Variants in IL4R observed in about 807,000 individuals in gnomAD.
IL4R encodes interleukin 4 receptor, also known as interleukin-4 receptor subunit alpha.
Under a neutral mutation model 41.5 loss-of-function variants are expected in IL4R, and 17 were observed. The ratio of observed to expected loss-of-function variants is 0.41; its 90% CI spans 0.28 to 0.61. IL4R has a LOEUF of 0.61. IL4R is among the 20% of genes least tolerant of loss of function. IL4R has a pLI of 0.31. For missense variants in IL4R, 974 were observed against 1,043.1 expected (o/e 0.93, Z 0.91); for synonymous variants, 402 against 422.9 (o/e 0.95, Z 0.61).
At chr16:27,317,170 T>G (rs1043579666) in intron 1 of IL4R, among the ~76,000 whole-genome samples, 9 of 152,138 alleles carry the variant, frequency 5.9e-5, no homozygotes, top group Non-Finnish European at 1.3e-4. Context: ...TCCTAAAGTG[T>G]TGGATTTATA....
intron 6 of IL4R, among the ~76,000 whole-genome samples, chr16:27,347,393 G>A (rs750809835): frequency 9.2e-5 from 14 of 152,180 alleles, no homozygotes; most frequent in African/African-American, 2.4e-4. Flanking sequence ...GTTTCACTGC[G>A]TTGGCCAGGC....
Position 27,345,244 on chromosome 16 carries a change from C to G in IL4R, c.361+224C>G. 1 of 683,258 alleles carries G rather than the reference C, an allele frequency of 1.5e-6. No homozygotes were observed. The highest frequency in any genetic ancestry group is 2.7e-6 in the Non-Finnish European group (1 of 374,742). 42.3% of individuals were successfully genotyped at this position (683,258 alleles called of 1,614,324 possible). ...GACCACCAAGCCCCCTTCAGCCCAGCTGTTTCCACCCCTGAACTTAAGTGC... is the reference window on the plus strand; with the variant it reads ...GACCACCAAGCCCCCTTCAGCCCAGGTGTTTCCACCCCTGAACTTAAGTGC... On this transcript the variant is annotated intron_variant, in intron 5 of 10. Coordinates refer to ENST00000395762, the MANE Select transcript of IL4R (RefSeq NM_000418.4). The surrounding 1 kb of genome is among the most constrained non-coding windows in gnomAD (Gnocchi z 4.5).
At chr16:27,344,496 A>G (rs1404478902) in intron 4 of IL4R, among the ~76,000 whole-genome samples, 1 of 152,122 alleles carries the variant, frequency 6.6e-6, no homozygotes, top group Non-Finnish European at 1.5e-5. Flanking sequence ...AAGGTGGAAC[A>G]TTGGAATTAT....
chr16:27,363,207 A>G lies in IL4R; in HGVS notation c.1855A>G (p.Lys619Glu), dbSNP rs1440009114. 6.2e-7 allele frequency: 1 copy of G among 1,609,516 alleles called. No individual in the cohort carries two copies. The highest frequency in any genetic ancestry group is 1.1e-5 in the South Asian group (1 of 90,646). The change falls in exon 11 of 11, where the codon AAA becomes GAA. Residue 619 changes from lysine to glutamate, a missense_variant. Coordinates refer to ENST00000395762, the MANE Select transcript of IL4R (RefSeq NM_000418.4). ...TGCCAGCAGTGCTGTGTCCCCAGAG[A>G]AATGTGGGTTTGGGGCTAGCAGTGG... is the stretch of plus-strand genomic sequence containing the variant. ...LLASSAVSPEKCGFGASSGEE... is the reference protein window; with the variant it reads ...LLASSAVSPEECGFGASSGEE...
At chr16:27,352,268 A>C (rs1271034636) in intron 6 of IL4R, among the ~76,000 whole-genome samples, 1 of 152,234 alleles carries the variant, frequency 6.6e-6, no homozygotes, top group Non-Finnish European at 1.5e-5. Context: ...CTTGTTTTAC[A>C]GATGAGATTG....
intron 4 of IL4R, 120 bp from the exon 5 acceptor site, chr16:27,344,749 A>T: frequency 9.4e-7 from 1 of 1,063,538 alleles, no homozygotes; most frequent in Non-Finnish European, 1.4e-6. Context: ...ATCTGTCCTC[A>T]CATCCGTGAT....
chr16:27,313,829 CCGGGCCGGG>C, upstream of IL4R: 1 of 812,858 alleles, frequency 1.2e-6, no homozygotes, highest in Middle Eastern at 6.2e-4. Context: ...TGGCCGGGAC[CCGGGCCGGG>C]CGCGCCGGGC....
chr16:27,345,231 C>T lies in IL4R; in HGVS notation c.361+211C>T. ...GCTGGTCGCAGTAGACCACCAAGCC[C>T]CCTTCAGCCCAGCTGTTTCCACCCC... is the stretch of plus-strand genomic sequence containing the variant. On this transcript the variant is annotated intron_variant, in intron 5 of 10. Transcript: ENST00000395762. The surrounding 1 kb of genome is among the most constrained non-coding windows in gnomAD (Gnocchi z 4.5). 1.4e-6 allele frequency: 1 copy of T among 697,454 alleles called. No individual in the cohort carries two copies. The highest frequency in any genetic ancestry group is 1.5e-5 in the South Asian group (1 of 66,766). The allele number at this position is 697,454 out of a possible 1,614,324, so 43.2% of individuals were successfully genotyped here.
chr16:27,355,738 A>G (rs1596531233), intron 7 of IL4R, 70 bp from the exon 8 acceptor site: 2 of 1,095,086 alleles, frequency 1.8e-6, no homozygotes, highest in East Asian at 2.4e-5. Flanking sequence ...CTGGGTCTCC[A>G]GTCCTGGGAA....
intron 2 of IL4R, among the ~76,000 whole-genome samples, chr16:27,335,781 A>T (rs1289322836): frequency 6.6e-6 from 1 of 152,110 alleles, no homozygotes. Flanking sequence ...AGTATTTAGA[A>T]GCCAAGACCT....
Position 27,362,527 on chromosome 16 carries a change from G to T in IL4R, c.1175G>T (p.Arg392Met). The stretch of plus-strand genomic sequence containing the variant: ...TTCTGTGCATCGCCTGAGAGCAGCA[G>T]GGATGACTTCCAGGAGGGAAGGGAG... Reference protein sequence around the residue: ...GSFCASPESSRDDFQEGREGI... With the variant: ...GSFCASPESSMDDFQEGREGI... The change falls in exon 11 of 11, where the codon AGG becomes ATG. Residue 392 changes from arginine (R) to methionine (M), a missense_variant. Coordinates refer to ENST00000395762, the MANE Select transcript of IL4R (RefSeq NM_000418.4). The T allele has an allele frequency of 6.2e-7, 1 of 1,614,194 alleles. No homozygotes were observed. Among genetic ancestry groups the T allele is most frequent in the Non-Finnish European group, 8.5e-7 (1 of 1,180,030 alleles).
intron 1 of IL4R, among the ~76,000 whole-genome samples, chr16:27,320,864 T>C (rs1596747005): frequency 6.6e-6 from 1 of 151,940 alleles, no homozygotes; most frequent in Non-Finnish European, 1.5e-5. Context: ...GCATATTTCT[T>C]CCAGAAGCCA....
At chr16:27,341,773 C>T (rs955729136) in intron 3 of IL4R, among the ~76,000 whole-genome samples, 2 of 152,138 alleles carry the variant, frequency 1.3e-5, no homozygotes, top group East Asian at 3.9e-4. Flanking sequence ...TCCCCTAGCT[C>T]GAGGGCAGAG....
In IL4R at chr16:27,352,647, C is replaced by CTATA; in HGVS notation, c.622_625dup (p.Asn209IlefsTer2). The CTATA allele has an allele frequency of 6.2e-7, 1 of 1,614,202 alleles. No individual in the cohort carries two copies. Among genetic ancestry groups the CTATA allele is most frequent in the Non-Finnish European group, 8.5e-7 (1 of 1,180,024 alleles). ...CACGGGTGAGGGCCTGGGCTCAGTG[C>CTATA]TATAACACCACCTGGAGTGAGTGGA... On this transcript the variant is annotated frameshift_variant, in exon 7 of 11. Transcript: ENST00000395762. LOFTEE classifies it high-confidence loss of function.
At chr16:27,324,673 GAC>G (rs1047239198) in intron 1 of IL4R, among the ~76,000 whole-genome samples, 2 of 152,224 alleles carry the variant, frequency 1.3e-5, no homozygotes, top group African/African-American at 2.4e-5. Context: ...GTGGCTTCTG[GAC>G]ACAGTTTCCT....
At chr16:27,318,192 A>C (rs1440683432) in intron 1 of IL4R, among the ~76,000 whole-genome samples, 3 of 152,152 alleles carry the variant, frequency 2.0e-5, no homozygotes, top group Non-Finnish European at 4.4e-5. Flanking sequence ...CTTTCTGCAG[A>C]GATATTAGTG....
chr16:27,341,449 C>G, intron 3 of IL4R: 1 of 516,178 alleles, frequency 1.9e-6, no homozygotes, highest in Middle Eastern at 2.9e-4. Flanking sequence ...ATGGGCGTGG[C>G]ACTGAGCATG....
intron 1 of IL4R, among the ~76,000 whole-genome samples, chr16:27,325,910 C>T (rs1365944735): frequency 2.6e-5 from 4 of 152,174 alleles, no homozygotes; most frequent in Non-Finnish European, 5.9e-5. Context: ...GCTACCCCCA[C>T]AGGCCGCCAT....
rs1229619015 is a variant in IL4R at position 27,363,179 on chromosome 16, G to A, written c.1827G>A (p.Leu609=). 6.2e-7 allele frequency: 1 copy of A among 1,611,678 alleles called. No individual in the cohort carries two copies. The highest frequency in any genetic ancestry group is 2.2e-5 in the East Asian group (1 of 44,844). ...GEAGYKAFSS[L]LASSAVSPEK... Reference sequence around the variant, plus strand: ...CTGGTTACAAGGCCTTCTCAAGCCTGCTTGCCAGCAGTGCTGTGTCCCCAG... The same window carrying A: ...CTGGTTACAAGGCCTTCTCAAGCCTACTTGCCAGCAGTGCTGTGTCCCCAG... The change falls in exon 11 of 11, where the codon CTG becomes CTA. Residue 609 remains leucine, a synonymous_variant. Coordinates refer to ENST00000395762, the MANE Select transcript of IL4R (RefSeq NM_000418.4).
Sources: gnomAD v4.1 joint callset for allele counts (sites outside exome capture counted in the v4.1 genomes callset) on GRCh38, gnomAD v4.1.1 for gene constraint, Gnocchi (gnomAD v3.1) non-coding constraint, MANE v1.5 for transcripts, NCBI Gene and HGNC (gene_info 2026-07-23, HGNC 2026-07-21) for gene names.